FBN1: variants seen among roughly 807,000 people sequenced by gnomAD.
FBN1 encodes fibrillin-1.
In FBN1, 29 loss-of-function variants were observed where a neutral mutation model predicts 365.1. The observed-to-expected ratio is 0.08, with a 90% confidence interval of 0.06 to 0.11. The LOEUF is 0.11. Among genes scored for constraint, FBN1 ranks in the 10% least tolerant of loss-of-function variants. The pLI is 1.00. For synonymous variants in FBN1, 1,210 were observed against 1,270.5 expected (o/e 0.95, Z 1.01); for missense variants, 2,476 against 3,703.2 (o/e 0.67, Z 8.60).
intron 45 of FBN1, 33 bp from the exon 46 acceptor site, chr15:48,448,926 A>G (rs747504718): frequency 6.3e-7 from 1 of 1,579,390 alleles, no homozygotes; most frequent in Non-Finnish European, 8.7e-7. Flanking sequence ...GTGAGAACTT[A>G]GAAGACAAAA....
intron 63 of FBN1, 37 bp downstream of exon 63, chr15:48,420,650 T>G (rs771082642): frequency 3.7e-6 from 6 of 1,613,482 alleles, no homozygotes; most frequent in Non-Finnish European, 5.1e-6. Flanking sequence ...TAGGACCTGA[T>G]AGCCATGCAT....
At chr15:48,557,938 ATAAG>A (rs2044194194) in intron 6 of FBN1, among the ~76,000 whole-genome samples, 1 of 152,178 alleles carries the variant, frequency 6.6e-6, no homozygotes, top group Admixed American at 6.5e-5. Flanking sequence ...TGAGGTCTGA[ATAAG>A]TAGGCTTCTC....
chr15:48,539,583 A>T (rs1161913996), intron 6 of FBN1, among the ~76,000 whole-genome samples: 1 of 152,224 alleles, frequency 6.6e-6, no homozygotes, highest in Non-Finnish European at 1.5e-5. Context: ...TGATGAATTG[A>T]AAAACCTTTT....
chr15:48,522,913 A>G (rs1040725832), intron 9 of FBN1, among the ~76,000 whole-genome samples: 2 of 152,210 alleles, frequency 1.3e-5, no homozygotes, highest in African/African-American at 4.8e-5. Context: ...TAGTTTCACC[A>G]AAGAGGCAGA....
At chr15:48,571,872 A>G (rs2044308143) in intron 6 of FBN1, among the ~76,000 whole-genome samples, 1 of 152,238 alleles carries the variant, frequency 6.6e-6, no homozygotes, top group Admixed American at 6.5e-5. Context: ...TAAAAAATGA[A>G]AACACAGGGT....
chr15:48,610,096 CT>C (rs1355589354), intron 4 of FBN1, among the ~76,000 whole-genome samples: 2 of 152,114 alleles, frequency 1.3e-5, no homozygotes, highest in Non-Finnish European at 2.9e-5. Context: ...AGAACTTCAG[CT>C]TTTTAAACAA....
rs727503057 is a variant in FBN1, at chr15:48,505,106, G to A, written c.1879C>T (p.Arg627Cys). Residue 627 changes from arginine (R) to cysteine (C), a missense_variant, in exon 16 of 66, where the codon CGT becomes TGT. Arg to Cys is a radical substitution (Grantham distance 180). This residue lies in a region of FBN1 where 1,780 missense variants were observed against 2,840.8 expected (regional missense o/e 0.63). Coordinates refer to ENST00000316623, the MANE Select transcript of FBN1 (RefSeq NM_000138.5). Reference protein sequence around the residue: ...CETPGICMNGRCVNTDGSYRC... With the variant: ...CETPGICMNGCCVNTDGSYRC... ...TAGGAGCCATCAGTGTTGACGCAAC[G>A]CCCATTCATGCAGATCCCAGGGGTT... is the stretch of plus-strand genomic sequence containing the variant. 1.2e-6 allele frequency: 2 copies of A among 1,614,046 alleles called. No individual in the cohort carries two copies. The highest frequency in any genetic ancestry group is 1.7e-6 in the Non-Finnish European group (2 of 1,180,008).
Position 48,426,669 on chromosome 15 carries a change from C to T in FBN1, c.7205-805G>A, listed in dbSNP as rs57401918. Among the ~76,000 whole-genome samples, 1,082 of 152,272 alleles carry T rather than the reference C, an allele frequency of 7.1e-3. 16 individuals are homozygous for T. The highest frequency in any genetic ancestry group is 0.025 in the African/African-American group (1,057 of 41,548). On this transcript the variant is annotated intron_variant, in intron 58 of 65. Coordinates refer to ENST00000316623, the MANE Select transcript of FBN1 (RefSeq NM_000138.5). ...CTGCCAAATAACCATTTTATACCAA[C>T]AGCTGGGTGTATCTGACCTTTACAA...
At chr15:48,439,501 T>C (rs1388881511) in intron 50 of FBN1, among the ~76,000 whole-genome samples, 1 of 152,254 alleles carries the variant, frequency 6.6e-6, no homozygotes, top group Non-Finnish European at 1.5e-5. Context: ...TTGTCACATA[T>C]AATGTTTTGT....
chr15:48,436,888 G>A, intron 53 of FBN1, 73 bp downstream of exon 53: 1 of 909,972 alleles, frequency 1.1e-6, no homozygotes, highest in Admixed American at 1.7e-5. Flanking sequence ...CTATATTCAT[G>A]GCTATACAGT....
intron 48 of FBN1, 69 bp from the exon 49 acceptor site, chr15:48,444,729 C>CA (rs2043140783): frequency 1.9e-6 from 3 of 1,540,420 alleles, no homozygotes; most frequent in Non-Finnish European, 2.7e-6. Flanking sequence ...AATTAAAATT[C>CA]AAAAAAACTA....
chr15:48,457,134 C>A (rs73392149), intron 43 of FBN1, among the ~76,000 whole-genome samples: 2,751 of 152,110 alleles, frequency 0.018, 81 homozygotes, highest in African/African-American at 0.059. Flanking sequence ...GGGAAAAAGG[C>A]AGAGGTGAGC....
rs751473725 is a variant in FBN1 at position 48,474,397 on chromosome 15, TC to T, written c.4088-21del. 5.6e-6 allele frequency: 9 copies of T among 1,613,898 alleles called. No homozygotes were observed. In the African/African-American group the frequency reaches 1.2e-4, roughly 22 times the overall value. On this transcript the variant is annotated intron_variant, in intron 33 of 65. Coordinates refer to ENST00000316623, the MANE Select transcript of FBN1 (RefSeq NM_000138.5). The stretch of plus-strand genomic sequence containing the variant: ...CCAGATCTTATAGAAAAAGGTTATA[TC>T]ATTATTAACAGAAAGGGTGGTATTT...
rs2042858844 is a variant in FBN1 at position 48,411,171 on chromosome 15, A to G, written c.8435T>C (p.Ile2812Thr). ...GFFKINQKEG[I>T]SYLHFTKKKP... is the part of the protein sequence containing the mutation. ...CTTCTTTGTGAAGTGGAGGTAGCTG[A>G]TCCCTTCCTTTTGGTTGATTTTAAA... The change falls in exon 66 of 66, where the codon ATC becomes ACC. Residue 2812 changes from isoleucine to threonine, a missense_variant. Around this residue, in one of 5 missense-constraint regions of FBN1, gnomAD observed 177 missense variants for 192.7 expected, o/e 0.92. Transcript: ENST00000316623. 2 of 1,614,090 alleles carry G rather than the reference A, an allele frequency of 1.2e-6. No homozygotes were observed. The highest frequency in any genetic ancestry group is 1.7e-6 in the Non-Finnish European group (2 of 1,179,992).
In FBN1 at chr15:48,487,441, C is replaced by T. The variant is rs777037092; in HGVS notation, c.3338-4G>A. ...TCTCTCTGACACTCATCAATATCTGCAAAATGGAAATGACCATGTTAAAGG... is the reference window on the plus strand; with the variant it reads ...TCTCTCTGACACTCATCAATATCTGTAAAATGGAAATGACCATGTTAAAGG... On this transcript the variant is annotated splice_region_variant and splice_polypyrimidine_tract_variant and intron_variant, in intron 27 of 65. Transcript: ENST00000316623. 6.2e-7 allele frequency: 1 copy of T among 1,613,714 alleles called. No homozygotes were observed. The highest frequency in any genetic ancestry group is 1.3e-5 in the African/African-American group (1 of 74,900).
At chr15:48,590,097 G>A (rs2044466718) in intron 6 of FBN1, among the ~76,000 whole-genome samples, 2 of 152,122 alleles carry the variant, frequency 1.3e-5, no homozygotes, top group Non-Finnish European at 2.9e-5. Context: ...CATTACCTTG[G>A]GAACTTTAGT....
chr15:48,467,793 C>CGA (rs2043334533), intron 38 of FBN1, 145 bp downstream of exon 38: 1 of 762,196 alleles, frequency 1.3e-6, no homozygotes, highest in South Asian at 1.5e-5. Flanking sequence ...TTCTGACTCT[C>CGA]GAATTGGGAA....
At chr15:48,531,958 T>C (rs1026355697) in intron 8 of FBN1, among the ~76,000 whole-genome samples, 7 of 152,246 alleles carry the variant, frequency 4.6e-5, no homozygotes, top group African/African-American at 1.7e-4. Context: ...ATAGTCTGTT[T>C]TTATCTTGCT....
At position 48,463,965 on chromosome 15, in the gene FBN1, C is replaced by A; in HGVS notation, c.4999G>T (p.Val1667Phe). The A allele has an allele frequency of 1.2e-6, 2 of 1,613,568 alleles. No homozygotes were observed. Among genetic ancestry groups the A allele is most frequent in the Non-Finnish European group, 1.7e-6 (2 of 1,179,518 alleles). ...GGACAGATACAGGTGTAGTTGCCAACGGTGTTGTAACATGTCCCTGGACCA... is the reference window on the plus strand; with the variant it reads ...GGACAGATACAGGTGTAGTTGCCAAAGGTGTTGTAACATGTCCCTGGACCA... ...ICGPGTCYNTVGNYTCICPPD... is the reference protein window; with the variant it reads ...ICGPGTCYNTFGNYTCICPPD... Residue 1667 changes from valine (V) to phenylalanine (F), a missense_variant, in exon 41 of 66, where the codon GTT becomes TTT. This residue lies in a region of FBN1 where 1,780 missense variants were observed against 2,840.8 expected (regional missense o/e 0.63). Transcript: ENST00000316623.
Sources: allele counts gnomAD v4.1 joint callset (sites outside exome capture counted in the v4.1 genomes callset), GRCh38; gene constraint gnomAD v4.1.1; regional missense constraint gnomAD v4.1.1; transcripts MANE v1.5; gene names NCBI Gene and HGNC (gene_info 2026-07-23, HGNC 2026-07-21).